Variants in PRRX1 observed in about 807,000 individuals in gnomAD.
PRRX1 encodes the protein paired related homeobox 1, also known as paired mesoderm homeobox protein 1.
PRRX1 carries 8 observed loss-of-function variants against 24.0 expected under a neutral mutation model. The observed-to-expected ratio is 0.33, with a 90% CI of 0.20 to 0.60. The LOEUF is 0.60. Ranked by LOEUF, PRRX1 falls within the 20% of genes least tolerant of loss-of-function variation. The pLI is 0.82. For missense variants in PRRX1, 281 were observed against 322.4 expected (o/e 0.87, Z 0.98); for synonymous variants, 160 against 131.7 (o/e 1.22, Z -1.47).
intron 1 of PRRX1, among the ~76,000 whole-genome samples, chr1:170,713,915 G>A (rs936243708): frequency 6.6e-6 from 1 of 152,178 alleles, no homozygotes; most frequent in Admixed American, 6.5e-5. Flanking sequence ...GCACAGTTGG[G>A]TATTTGTATT....
chr1:170,733,161 T>G (rs1306498456), intron 3 of PRRX1, among the ~76,000 whole-genome samples: 1 of 152,212 alleles, frequency 6.6e-6, no homozygotes. Context: ...GTTACCCTGC[T>G]AAGTCCTCAG....
intron 3 of PRRX1, among the ~76,000 whole-genome samples, chr1:170,733,440 G>C (rs1001142212): frequency 2.6e-5 from 4 of 152,066 alleles, no homozygotes; most frequent in African/African-American, 9.7e-5. Flanking sequence ...TCATCTTTCA[G>C]AAAATTAGAC....
intron 1 of PRRX1, among the ~76,000 whole-genome samples, chr1:170,665,969 C>T (rs1177073053): frequency 6.6e-6 from 1 of 152,262 alleles, no homozygotes; most frequent in Admixed American, 6.5e-5. Flanking sequence ...GGGCTAGGCG[C>T]AGAGACAGAG....
At chr1:170,674,578 G>A (rs1653249214) in intron 1 of PRRX1, among the ~76,000 whole-genome samples, 1 of 152,020 alleles carries the variant, frequency 6.6e-6, no homozygotes, top group Non-Finnish European at 1.5e-5. Flanking sequence ...AATATTTTAT[G>A]ATTATCTAGA....
chr1:170,684,103 T>C (rs186781305), intron 1 of PRRX1, among the ~76,000 whole-genome samples: 11 of 152,328 alleles, frequency 7.2e-5, no homozygotes, highest in Admixed American at 5.2e-4. Flanking sequence ...ATAGTTCATA[T>C]TCAGCATGAT....
intron 1 of PRRX1, among the ~76,000 whole-genome samples, chr1:170,704,854 T>G (rs910223566): frequency 2.0e-5 from 3 of 152,210 alleles, no homozygotes; most frequent in African/African-American, 7.2e-5. Context: ...AGGGGCATCA[T>G]CTTGGGATCA....
chr1:170,732,311 T>C (rs1440728804), intron 3 of PRRX1, among the ~76,000 whole-genome samples: 1 of 152,176 alleles, frequency 6.6e-6, no homozygotes, highest in African/African-American at 2.4e-5. Context: ...CTCCGTGACA[T>C]GGAAAGCAGA....
chr1:170,664,107 C>CTCTCTCT (rs1553250934), upstream of PRRX1: 234 of 1,090,730 alleles, frequency 2.1e-4, no homozygotes, highest in Middle Eastern at 5.8e-4. Flanking sequence ...CTCTCTCTCT[C>CTCTCTCT]CACTACCCCC....
intron 1 of PRRX1, among the ~76,000 whole-genome samples, chr1:170,711,638 T>C (rs1289357495): frequency 6.6e-6 from 1 of 152,160 alleles, no homozygotes; most frequent in Admixed American, 6.5e-5. Flanking sequence ...TTGCCTCTCA[T>C]GAAAACACTA....
At chr1:170,666,934 G>C (rs1652958206) in intron 1 of PRRX1, among the ~76,000 whole-genome samples, 1 of 152,076 alleles carries the variant, frequency 6.6e-6, no homozygotes, top group South Asian at 2.1e-4. Flanking sequence ...CCTGGACTGG[G>C]GACAGGCTTC....
rs188227853 is a variant in PRRX1 at position 170,701,439 on chromosome 1, C to A, written c.242-18287C>A. 1.7e-4 allele frequency among the ~76,000 whole-genome samples: 26 copies of A among 152,194 alleles called. No individual in the cohort carries two copies. In the East Asian group the frequency reaches 5.0e-3, roughly 29 times the overall value. The stretch of plus-strand genomic sequence containing the variant: ...TTGTCATTGCAACTTAATTTGAATT[C>A]CATGGTTTAAAGGCTCATATAATCC... On this transcript the variant is annotated intron_variant, in intron 1 of 3. Transcript: ENST00000239461.
chr1:170,730,605 T>A, intron 3 of PRRX1: 1 of 416,416 alleles, frequency 2.4e-6, no homozygotes, highest in Non-Finnish European at 4.4e-6. Context: ...GTGCAAACTC[T>A]GATTCACTAA....
chr1:170,732,139 C>A (rs1318691084), intron 3 of PRRX1, among the ~76,000 whole-genome samples: 2 of 152,162 alleles, frequency 1.3e-5, no homozygotes, highest in African/African-American at 2.4e-5. Flanking sequence ...TCAATCTCAC[C>A]ATTTTACCCG....
chr1:170,678,861 G>A (rs1018848604), intron 1 of PRRX1, among the ~76,000 whole-genome samples: 4 of 152,116 alleles, frequency 2.6e-5, no homozygotes, highest in African/African-American at 9.7e-5. Flanking sequence ...TCAATGTGAT[G>A]CCTGGTTCAC....
intron 1 of PRRX1, among the ~76,000 whole-genome samples, chr1:170,691,355 A>G (rs1485958706): frequency 2.6e-5 from 4 of 152,076 alleles, no homozygotes; most frequent in Non-Finnish European, 5.9e-5. Context: ...ATAATGAGAA[A>G]CAGCTTGCTT....
intron 1 of PRRX1, 112 bp from the exon 2 acceptor site, chr1:170,719,614 T>C (rs891774577): frequency 3.2e-6 from 4 of 1,236,630 alleles, no homozygotes; most frequent in South Asian, 1.3e-5. Flanking sequence ...AGGACTTTGA[T>C]AAAGATGTGA....
chr1:170,687,682 T>C (rs765933160), intron 1 of PRRX1, among the ~76,000 whole-genome samples: 2 of 152,190 alleles, frequency 1.3e-5, no homozygotes, highest in Non-Finnish European at 1.5e-5. Flanking sequence ...CCCTGCTTCA[T>C]GGAAGTTATT....
At chr1:170,720,889 C>T (rs976169822) in intron 2 of PRRX1, among the ~76,000 whole-genome samples, 10 of 152,132 alleles carry the variant, frequency 6.6e-5, no homozygotes, top group South Asian at 6.2e-4. Flanking sequence ...CATAACAATA[C>T]GTAATACTAA....
chr1:170,691,679 C>T (rs1394155029), intron 1 of PRRX1, among the ~76,000 whole-genome samples: 2 of 151,528 alleles, frequency 1.3e-5, no homozygotes, highest in Non-Finnish European at 2.9e-5. Flanking sequence ...CTCTTTCTTT[C>T]TTTTCCCTTC....
Sources: allele counts gnomAD v4.1 joint callset (sites outside exome capture counted in the v4.1 genomes callset), GRCh38; gene constraint gnomAD v4.1.1; transcripts MANE v1.5; gene names NCBI Gene and HGNC (gene_info 2026-07-23, HGNC 2026-07-21).